Variants in AP5M1 observed in about 807,000 individuals in gnomAD.
The protein encoded by AP5M1 is adaptor related protein complex 5 subunit mu 1, also known as AP-5 complex subunit mu-1.
In AP5M1, 44 loss-of-function variants were observed where a neutral mutation model predicts 52.3. That is an observed-to-expected ratio of 0.84 (90% confidence interval 0.66 to 1.08). The LOEUF (loss-of-function observed/expected upper bound fraction) is 1.08. AP5M1 is among the 50% of genes least tolerant of loss of function. The pLI, the probability that AP5M1 is intolerant of heterozygous loss-of-function variation, is 0.00. For missense variants in AP5M1, 526 were observed against 568.4 expected, an observed-to-expected ratio of 0.93 and a Z score of 0.76; for synonymous variants, 213 against 199.0, an observed-to-expected ratio of 1.07 and a Z score of -0.59.
intron 6 of AP5M1, among the ~76,000 whole-genome samples, chr14:57,285,252 A>G (rs1274953989): frequency 6.6e-6 from 1 of 152,202 alleles, no homozygotes; most frequent in Non-Finnish European, 1.5e-5. Context: ...ATTATTATAA[A>G]AATTCCTACT....
chr14:57,274,644 T>C lies in AP5M1; in HGVS notation c.475T>C (p.Leu159=), dbSNP rs1884976960. 6.2e-7 allele frequency: 1 copy of C among 1,614,116 alleles called. No individual in the cohort carries two copies. Among genetic ancestry groups the C allele is most frequent in the Admixed American group, 1.7e-5 (1 of 60,008 alleles). ...DSELNTKLSQ[L]PDLLLQACPF... is the part of the protein sequence containing the mutation. Reference sequence around the variant, plus strand: ...TGAGCTGAATACAAAATTGAGCCAGTTGCCTGACTTGCTTCTGCAGGCTTG... The same window carrying C: ...TGAGCTGAATACAAAATTGAGCCAGCTGCCTGACTTGCTTCTGCAGGCTTG... The change falls in exon 2 of 8, where the codon TTG becomes CTG. Residue 159 remains leucine, a synonymous_variant. Coordinates refer to ENST00000261558, the MANE Select transcript of AP5M1 (RefSeq NM_018229.4).
intron 2 of AP5M1, 91 bp from the exon 3 acceptor site, chr14:57,280,104 T>G: frequency 3.4e-6 from 3 of 890,434 alleles, no homozygotes; most frequent in Non-Finnish European, 5.5e-6. Flanking sequence ...AGTGAGTTAA[T>G]TGGGGAAAAT....
intron 2 of AP5M1, chr14:57,275,335 A>G: frequency 5.3e-6 from 1 of 189,900 alleles, no homozygotes; most frequent in South Asian, 9.0e-5. Flanking sequence ...GGACTTCTCA[A>G]CTGGCTGCTT....
In AP5M1 at chr14:57,290,274, T is replaced by A. The variant is rs1229215131; in HGVS notation, c.*1390T>A. The A allele has an allele frequency of 2.0e-5, 3 of 151,996 alleles. No homozygotes were observed. The highest frequency in any genetic ancestry group is 7.2e-5 in the African/African-American group (3 of 41,418). The allele number at this position is 151,996 out of a possible 1,614,324, so 9.4% of individuals were successfully genotyped here. A position where few individuals can be genotyped will look rare whatever the true frequency, so the allele number is the denominator to read the frequency against. The stretch of plus-strand genomic sequence containing the variant: ...ATTATCATGGCATAAGGTTCTATGT[T>A]CAAAATTATCCCAAGTAACAAAGAA... On this transcript the variant is annotated 3_prime_UTR_variant, in exon 8 of 8. Coordinates refer to ENST00000261558, the MANE Select transcript of AP5M1 (RefSeq NM_018229.4).
chr14:57,274,292 T>C lies in AP5M1; in HGVS notation c.123T>C (p.Ser41=). The part of the protein sequence containing the change: ...EKRARVFNGA[S]YVPVPEDGPF... Reference sequence around the variant, plus strand: ...GAGCCAGAGTCTTCAATGGAGCAAGTTATGTGCCTGTTCCTGAAGATGGTC... The same window carrying C: ...GAGCCAGAGTCTTCAATGGAGCAAGCTATGTGCCTGTTCCTGAAGATGGTC... The change falls in exon 2 of 8, where the codon AGT becomes AGC. Residue 41 remains serine (S), a synonymous_variant. Coordinates refer to ENST00000261558, the MANE Select transcript of AP5M1 (RefSeq NM_018229.4). 1 of 1,614,152 alleles carries C rather than the reference T, an allele frequency of 6.2e-7. No individual in the cohort carries two copies. Among genetic ancestry groups the C allele is most frequent in the Admixed American group, 1.7e-5 (1 of 60,018 alleles).
At chr14:57,286,513 G>A in intron 7 of AP5M1, 194 bp downstream of exon 7, 1 of 486,048 alleles carries the variant, frequency 2.1e-6, no homozygotes, top group Non-Finnish European at 3.7e-6. Context: ...TGTTTATAAA[G>A]TGGTCTGGAT....
In AP5M1 at chr14:57,295,759, A is replaced by G. The variant is rs1594713895; in HGVS notation, c.*6875A>G. ...AACTCATTTATTTATTTATTTGGGT[A>G]TACCTTCCAGTTACTTCCAGATGCT... On this transcript the variant is annotated 3_prime_UTR_variant, in exon 8 of 8. Coordinates refer to ENST00000261558, the MANE Select transcript of AP5M1 (RefSeq NM_018229.4). The G allele has an allele frequency of 6.6e-6, 1 of 151,892 alleles. No individual in the cohort carries two copies. Among genetic ancestry groups the G allele is most frequent in the East Asian group, 1.9e-4 (1 of 5,178 alleles). 9.4% of individuals were successfully genotyped at this position (151,892 alleles called of 1,614,324 possible).
intron 6 of AP5M1, among the ~76,000 whole-genome samples, chr14:57,285,212 T>C (rs1885278187): frequency 6.6e-6 from 1 of 152,170 alleles, no homozygotes; most frequent in Non-Finnish European, 1.5e-5. Flanking sequence ...TATCTTGGCT[T>C]CACTTATGTC....
intron 1 of AP5M1, chr14:57,273,796 A>AT: frequency 1.4e-6 from 1 of 697,348 alleles, no homozygotes. Context: ...CATCTCAACT[A>AT]ATGAATCCAA....
In AP5M1 at chr14:57,282,131, G is replaced by T; in HGVS notation, c.991G>T (p.Glu331Ter). 6.3e-7 allele frequency: 1 copy of T among 1,575,940 alleles called. No homozygotes were observed. Among genetic ancestry groups the T allele is most frequent in the Non-Finnish European group, 8.6e-7 (1 of 1,166,506 alleles). The change falls in exon 4 of 8, where the codon GAA becomes TAA. Residue 331 changes from glutamate (E) to a stop codon, truncating the protein, a stop_gained. Transcript: ENST00000261558. LOFTEE classifies it high-confidence loss of function. ...PILGFYQMKE[E>*]EVQLRITINL... The stretch of plus-strand genomic sequence containing the variant: ...TTTGGGTTTTTATCAAATGAAGGAG[G>T]AAGAAGTACAACTAAGAATAACCAT...
chr14:57,282,116 T>C lies in AP5M1; in HGVS notation c.976T>C (p.Tyr326His). The C allele has an allele frequency of 6.4e-7, 1 of 1,574,632 alleles. No individual in the cohort carries two copies. The highest frequency in any genetic ancestry group is 1.4e-5 in the African/African-American group (1 of 72,480). ...CCCTGTCCCACCAATTTTGGGTTTTTATCAAATGAAGGAGGAAGAAGTACA... is the reference window on the plus strand; with the variant it reads ...CCCTGTCCCACCAATTTTGGGTTTTCATCAAATGAAGGAGGAAGAAGTACA... ...QVPVPPILGF[Y>H]QMKEEEVQLR... Residue 326 changes from tyrosine to histidine, a missense_variant, in exon 4 of 8, where the codon TAT becomes CAT. By Grantham distance (83) the Tyr-to-His change is moderately conservative. Transcript: ENST00000261558.
chr14:57,282,467 T>A (rs1885204445), intron 4 of AP5M1, among the ~76,000 whole-genome samples: 1 of 152,186 alleles, frequency 6.6e-6, no homozygotes, highest in South Asian at 2.1e-4. Flanking sequence ...TGTAGCTTCC[T>A]CAGGGATTAT....
intron 2 of AP5M1, among the ~76,000 whole-genome samples, chr14:57,277,151 A>G (rs1374348406): frequency 1.3e-5 from 2 of 150,186 alleles, no homozygotes; most frequent in Non-Finnish European, 3.0e-5. Flanking sequence ...TTTTTTTTAA[A>G]TAACTTTTAC....
chr14:57,293,740 A>G lies in AP5M1; in HGVS notation c.*4856A>G, dbSNP rs529664675. 6 of 151,854 alleles carry G rather than the reference A, an allele frequency of 4.0e-5. No homozygotes were observed. In the East Asian group the frequency reaches 9.7e-4, roughly 24 times the overall value. 9.4% of individuals were successfully genotyped at this position (151,854 alleles called of 1,614,324 possible). On this transcript the variant is annotated 3_prime_UTR_variant, in exon 8 of 8. Coordinates refer to ENST00000261558, the MANE Select transcript of AP5M1 (RefSeq NM_018229.4). ...ATATATATATACACACAACATATAT[A>G]TACAAGTATATGAATTTACGTAAAT...
intron 7 of AP5M1, among the ~76,000 whole-genome samples, chr14:57,288,384 T>TAG (rs1885358281): frequency 6.6e-6 from 1 of 152,036 alleles, no homozygotes; most frequent in Admixed American, 6.6e-5. Flanking sequence ...GCTAGGAAGT[T>TAG]AGGTGTTAAT....
In AP5M1 at chr14:57,298,412, T is replaced by G. The variant is rs1885595623; in HGVS notation, c.*9528T>G. ...GATTTCAAATCCCAGCTCTGTCATT[T>G]ACAAACTGGGTGGTCCTGGATAAAT... is the stretch of plus-strand genomic sequence containing the variant. On this transcript the variant is annotated 3_prime_UTR_variant, in exon 8 of 8. Coordinates refer to ENST00000261558, the MANE Select transcript of AP5M1 (RefSeq NM_018229.4). 2 of 152,164 alleles carry G rather than the reference T, an allele frequency of 1.3e-5. No homozygotes were observed. The highest frequency in any genetic ancestry group is 2.9e-5 in the Non-Finnish European group (2 of 68,042). The allele number at this position is 152,164 out of a possible 1,614,324, so 9.4% of individuals were successfully genotyped here.
chr14:57,284,182 A>G (rs527811948), intron 6 of AP5M1, among the ~76,000 whole-genome samples: 2 of 152,226 alleles, frequency 1.3e-5, no homozygotes, highest in Non-Finnish European at 2.9e-5. Context: ...AGGCCTAGTA[A>G]TGCATGAATA....
rs369013568 is a variant in AP5M1, at chr14:57,290,739, C to T, written c.*1855C>T. 5 of 152,002 alleles carry T rather than the reference C, an allele frequency of 3.3e-5. No homozygotes were observed. Among genetic ancestry groups the T allele is most frequent in the East Asian group, 1.9e-4 (1 of 5,170 alleles). 9.4% of individuals were successfully genotyped at this position (152,002 alleles called of 1,614,324 possible). ...TCTAACATAGTGCTACAGAACTGAA[C>T]CAACTTAGGTTTTCATCCCATTGAG... is the stretch of plus-strand genomic sequence containing the variant. On this transcript the variant is annotated 3_prime_UTR_variant, in exon 8 of 8. Transcript: ENST00000261558.
rs987620452 is a variant in AP5M1 at position 57,296,465 on chromosome 14, G to A, written c.*7581G>A. 6.6e-6 allele frequency: 1 copy of A among 152,016 alleles called. No homozygotes were observed. The highest frequency in any genetic ancestry group is 2.4e-5 in the African/African-American group (1 of 41,414). 9.4% of individuals were successfully genotyped at this position (152,016 alleles called of 1,614,324 possible). A position where few individuals can be genotyped will look rare whatever the true frequency, so the allele number is the denominator to read the frequency against. On this transcript the variant is annotated 3_prime_UTR_variant, in exon 8 of 8. Coordinates refer to ENST00000261558, the MANE Select transcript of AP5M1 (RefSeq NM_018229.4). ...TATATTTATTTTAAGTCTAGAATCA[G>A]TAAAAAGTTATGTGTTTGTCAATAA... is the stretch of plus-strand genomic sequence containing the variant.
Sources: allele counts gnomAD v4.1 joint callset (sites outside exome capture counted in the v4.1 genomes callset), GRCh38; gene constraint gnomAD v4.1.1; transcripts MANE v1.5; gene names NCBI Gene and HGNC (gene_info 2026-07-23, HGNC 2026-07-21).